The following XPO6 variants were observed in gnomAD, a reference collection of about 807,000 sequenced individuals.
The protein encoded by XPO6 is exportin 6.
Under a neutral mutation model 130.0 loss-of-function variants are expected in XPO6, and 3 were observed. That is an observed-to-expected ratio of 0.02 (90% CI 0.01 to 0.06). XPO6 has a LOEUF of 0.06. Among genes scored for constraint, XPO6 ranks in the 10% least tolerant of loss-of-function variants. XPO6 has a pLI of 1.00. For synonymous variants in XPO6, 524 were observed against 548.9 expected (o/e 0.95, Z 0.63); for missense variants, 970 against 1,393.0 (o/e 0.70, Z 4.83).
rs139000862 is a variant in XPO6, at chr16:28,122,934, T to C, written c.1767-1172A>G. ...ATGAAAGGAGCAAATGTTTCTAGAA[T>C]AGGTGGAGGTGTTTTATGTTCAAGT... On this transcript the variant is annotated intron_variant, in intron 13 of 23. Coordinates refer to ENST00000304658, the MANE Select transcript of XPO6 (RefSeq NM_015171.4). 1.1e-4 allele frequency among the ~76,000 whole-genome samples: 16 copies of C among 152,162 alleles called. No individual in the cohort carries two copies. In the East Asian group the frequency reaches 3.1e-3, roughly 29 times the overall value.
At chr16:28,140,978 A>T (rs527731234) in intron 9 of XPO6, among the ~76,000 whole-genome samples, 72 of 152,376 alleles carry the variant, frequency 4.7e-4, no homozygotes, top group Non-Finnish European at 7.5e-4. Context: ...TTTCAACTCA[A>T]TAAAGCAACT....
chr16:28,167,956 T>G (rs982733247), intron 5 of XPO6, among the ~76,000 whole-genome samples: 4 of 152,198 alleles, frequency 2.6e-5, no homozygotes, highest in African/African-American at 9.6e-5. Context: ...GGGAGGGTAC[T>G]GCTAATGGGT....
At chr16:28,107,084 A>G (rs1280945521) in intron 18 of XPO6, among the ~76,000 whole-genome samples, 1 of 152,178 alleles carries the variant, frequency 6.6e-6, no homozygotes, top group Non-Finnish European at 1.5e-5. Context: ...GGCAATGAAT[A>G]TTTGCTGACT....
At chr16:28,141,593 C>T (rs1026070235) in intron 9 of XPO6, among the ~76,000 whole-genome samples, 2 of 152,306 alleles carry the variant, frequency 1.3e-5, no homozygotes, top group South Asian at 2.1e-4. Flanking sequence ...TCTACCCCAT[C>T]GGCCATTCCA....
Position 28,132,390 on chromosome 16 carries a change from T to C in XPO6, c.1550A>G (p.Gln517Arg). ...HAFSTLFPVL[Q>R]DNLEVYLGLQ... ...TCCCAAATAAACTTCTAAATTGTCCTGAAGAACAGGGAACTGAAAACAAAG... is the reference window on the plus strand; with the variant it reads ...TCCCAAATAAACTTCTAAATTGTCCCGAAGAACAGGGAACTGAAAACAAAG... The change falls in exon 12 of 24, where the codon CAG (glutamine) becomes CGG (arginine). Residue 517 changes from glutamine to arginine, a missense_variant. Coordinates refer to ENST00000304658, the MANE Select transcript of XPO6 (RefSeq NM_015171.4). This position sits in a 1 kb window ranked among gnomAD's most constrained non-coding sequence, Gnocchi z 4.0. 6.2e-7 allele frequency: 1 copy of C among 1,604,798 alleles called. No homozygotes were observed. Among genetic ancestry groups the C allele is most frequent in the Non-Finnish European group, 8.5e-7 (1 of 1,175,394 alleles).
intron 4 of XPO6, among the ~76,000 whole-genome samples, chr16:28,175,589 C>T (rs73525044): frequency 0.016 from 2,385 of 152,214 alleles, 58 homozygotes; most frequent in African/African-American, 0.055. Context: ...CACTAAACGC[C>T]GAAACTACTG....
chr16:28,147,804 G>A (rs993127732), intron 8 of XPO6, among the ~76,000 whole-genome samples: 31 of 152,124 alleles, frequency 2.0e-4, no homozygotes, highest in Admixed American at 9.2e-4. Context: ...AAAATTAGCC[G>A]AGCATGGCGA....
chr16:28,203,888 G>C (rs1328996523), intron 1 of XPO6, among the ~76,000 whole-genome samples: 1 of 152,170 alleles, frequency 6.6e-6, no homozygotes, highest in Non-Finnish European at 1.5e-5. Flanking sequence ...AGCAGATTAA[G>C]TTTCCTTTAA....
intron 1 of XPO6, among the ~76,000 whole-genome samples, chr16:28,181,416 A>G (rs1203657128): frequency 6.6e-6 from 1 of 152,046 alleles, no homozygotes; most frequent in Non-Finnish European, 1.5e-5. Context: ...TCCCTGATAC[A>G]TTTCCCCTGT....
intron 9 of XPO6, among the ~76,000 whole-genome samples, chr16:28,145,459 C>A (rs1159415933): frequency 6.6e-6 from 1 of 152,100 alleles, no homozygotes; most frequent in African/African-American, 2.4e-5. Flanking sequence ...GGGGGGGAAA[C>A]AAACCATTCC....
At chr16:28,140,145 T>C (rs2042860547) in intron 9 of XPO6, among the ~76,000 whole-genome samples, 1 of 148,874 alleles carries the variant, frequency 6.7e-6, no homozygotes, top group South Asian at 2.1e-4. Flanking sequence ...GGCAGGAGAA[T>C]CGCTTGAACC....
intron 15 of XPO6, among the ~76,000 whole-genome samples, chr16:28,115,562 A>T (rs2087034330): frequency 6.6e-6 from 1 of 152,236 alleles, no homozygotes. Flanking sequence ...TTCCATTTAT[A>T]GAGACAGGCA....
At chr16:28,147,920 T>C (rs1046741103) in intron 8 of XPO6, among the ~76,000 whole-genome samples, 2 of 152,166 alleles carry the variant, frequency 1.3e-5, no homozygotes, top group Non-Finnish European at 2.9e-5. Flanking sequence ...CACTCCAGCC[T>C]GGACAACAGA....
At chr16:28,137,105 C>T (rs2042795120) in intron 9 of XPO6, among the ~76,000 whole-genome samples, 1 of 152,258 alleles carries the variant, frequency 6.6e-6, no homozygotes, top group African/African-American at 2.4e-5. Context: ...ATTCCACATT[C>T]CCAGAACTAG....
At chr16:28,198,989 T>C (rs989163904) in intron 1 of XPO6, among the ~76,000 whole-genome samples, 5 of 151,846 alleles carry the variant, frequency 3.3e-5, no homozygotes, top group Non-Finnish European at 4.4e-5. Flanking sequence ...ATTAAAAATA[T>C]AAAAATTAGC....
intron 2 of XPO6, among the ~76,000 whole-genome samples, chr16:28,177,816 T>C (rs1030661524): frequency 9.9e-5 from 15 of 152,030 alleles, no homozygotes; most frequent in African/African-American, 3.6e-4. Context: ...TCTACAAAGA[T>C]AGGAAAGGAA....
chr16:28,123,688 G>A (rs1013660714), intron 13 of XPO6, among the ~76,000 whole-genome samples: 7 of 152,296 alleles, frequency 4.6e-5, no homozygotes, highest in Non-Finnish European at 5.9e-5. Context: ...CGAAGTCCTC[G>A]TGATCAGAAC....
chr16:28,208,788 T>C (rs1175548423), intron 1 of XPO6, among the ~76,000 whole-genome samples: 1 of 152,244 alleles, frequency 6.6e-6, no homozygotes, highest in Non-Finnish European at 1.5e-5. Context: ...TGCTGTAAGT[T>C]TCCCAAGGGG....
intron 14 of XPO6, 70 bp from the exon 15 acceptor site, chr16:28,117,532 A>G: frequency 6.4e-7 from 1 of 1,551,694 alleles, no homozygotes; most frequent in South Asian, 1.2e-5. Context: ...ACTCATTTTC[A>G]TAGGAGGTAA....
Sources: allele counts gnomAD v4.1 joint callset (sites outside exome capture counted in the v4.1 genomes callset), GRCh38; gene constraint gnomAD v4.1.1; non-coding constraint Gnocchi (gnomAD v3.1); transcripts MANE v1.5; gene names NCBI Gene and HGNC (gene_info 2026-07-23, HGNC 2026-07-21).